The following FOXP1 variants were observed in gnomAD, a reference collection of about 807,000 sequenced individuals.
The protein encoded by FOXP1 is forkhead box protein P1.
A neutral mutation model predicts 98.2 loss-of-function variants in FOXP1; 15 were observed. The ratio of observed to expected loss-of-function variants is 0.15; its 90% confidence interval spans 0.10 to 0.24. FOXP1 has a LOEUF of 0.24. Ranked by LOEUF, FOXP1 falls within the 10% of genes least tolerant of loss-of-function variation. The pLI is 1.00. For missense variants in FOXP1, 633 were observed against 848.5 expected (o/e 0.75, Z 3.15); for synonymous variants, 371 against 314.5 (o/e 1.18, Z -1.90).
At chr3:71,342,697 A>AAG (rs1405975775) in intron 4 of FOXP1, among the ~76,000 whole-genome samples, 1 of 152,022 alleles carries the variant, frequency 6.6e-6, no homozygotes, top group East Asian at 1.9e-4. Flanking sequence ...TAAAAAAAAA[A>AAG]AAGCAAACAG....
At chr3:71,583,416 G>A (rs2048347899) in intron 1 of FOXP1, 155 bp downstream of exon 1, 3 of 950,284 alleles carry the variant, frequency 3.2e-6, no homozygotes, top group Non-Finnish European at 3.8e-6. Flanking sequence ...CCTGGAGGTG[G>A]AAAGTAGTTG....
intron 3 of FOXP1, among the ~76,000 whole-genome samples, chr3:71,374,322 G>T (rs1049352376): frequency 6.6e-6 from 1 of 152,134 alleles, no homozygotes; most frequent in Non-Finnish European, 1.5e-5. Context: ...GGCCATGCGT[G>T]GTGGCTCATG....
intron 13 of FOXP1, among the ~76,000 whole-genome samples, chr3:70,991,198 GT>G (rs1025002624): frequency 6.6e-6 from 1 of 152,028 alleles, no homozygotes; most frequent in African/African-American, 2.4e-5. Flanking sequence ...AATTTTGATC[GT>G]TTAAAGAATG....
At chr3:71,097,368 C>CA (rs1256233785) in intron 7 of FOXP1, among the ~76,000 whole-genome samples, 3 of 151,952 alleles carry the variant, frequency 2.0e-5, no homozygotes, top group South Asian at 2.1e-4. Context: ...TTTTACATGA[C>CA]AAAAAACAGA....
intron 20 of FOXP1, among the ~76,000 whole-genome samples, chr3:70,959,912 C>T (rs986042057): frequency 9.2e-5 from 14 of 152,090 alleles, no homozygotes; most frequent in African/African-American, 2.9e-4. Context: ...TAACAGGTCC[C>T]GTAGTGGCAT....
At chr3:71,079,557 T>C (rs2054191042) in intron 7 of FOXP1, among the ~76,000 whole-genome samples, 1 of 152,260 alleles carries the variant, frequency 6.6e-6, no homozygotes, top group African/African-American at 2.4e-5. Flanking sequence ...AGAGATATTG[T>C]GATCAGTTTT....
intron 5 of FOXP1, among the ~76,000 whole-genome samples, chr3:71,298,744 T>C (rs2073583086): frequency 6.6e-6 from 1 of 151,930 alleles, no homozygotes; most frequent in Non-Finnish European, 1.5e-5. Flanking sequence ...TCCATATCCT[T>C]TATATATATG....
chr3:71,542,109 T>G, intron 2 of FOXP1: 1 of 491,094 alleles, frequency 2.0e-6, no homozygotes, highest in South Asian at 1.6e-5. Flanking sequence ...TAAGCAGAAA[T>G]GCAGCATTAA....
intron 3 of FOXP1, among the ~76,000 whole-genome samples, chr3:71,416,097 T>C (rs2083190952): frequency 1.3e-5 from 2 of 152,194 alleles, no homozygotes; most frequent in African/African-American, 4.8e-5. Context: ...AGAAAGAACC[T>C]GTAAAGTTAC....
Position 71,052,764 on chromosome 3 carries a change from C to T in FOXP1, c.421-138G>A. ...GCCTGACCTTTAGTTTGAAACTCGA[C>T]AATAAATTCAGCGCACACTGACTAT... On this transcript the variant is annotated intron_variant, in intron 8 of 20. Transcript: ENST00000649528. 4 of 701,654 alleles carry T rather than the reference C, an allele frequency of 5.7e-6. No homozygotes were observed. In the South Asian group the frequency reaches 6.0e-5, roughly 11 times the overall value. The allele number at this position is 701,654 out of a possible 1,614,324, so 43.5% of individuals were successfully genotyped here.
chr3:71,392,823 A>T lies in FOXP1; in HGVS notation c.-167-33579T>A, dbSNP rs372711010. On this transcript the variant is annotated intron_variant, in intron 3 of 20. Coordinates refer to ENST00000649528, the MANE Select transcript of FOXP1 (RefSeq NM_001349338.3). ...GGTATTTAAGATTGTAAAGAATAAG[A>T]CTGTAATAACTCTTTCCAAGAAGAA... Among the ~76,000 whole-genome samples, 18 of 152,278 alleles carry T rather than the reference A, an allele frequency of 1.2e-4. No individual in the cohort carries two copies. In the South Asian group the frequency reaches 3.7e-3, roughly 32 times the overall value.
At chr3:71,286,636 T>A (rs983981642) in intron 5 of FOXP1, among the ~76,000 whole-genome samples, 1 of 152,118 alleles carries the variant, frequency 6.6e-6, no homozygotes. Context: ...AAGTTCCTTA[T>A]CTAACAAGCT....
At chr3:70,998,946 C>G (rs1339957886) in intron 13 of FOXP1, among the ~76,000 whole-genome samples, 3 of 152,158 alleles carry the variant, frequency 2.0e-5, no homozygotes, top group African/African-American at 7.2e-5. Flanking sequence ...GAAACGGCTA[C>G]CCGACAAACC....
In FOXP1 at chr3:71,457,558, G is replaced by C. The variant is rs563330725; in HGVS notation, c.-168+35868C>G. On this transcript the variant is annotated intron_variant, in intron 3 of 20. Coordinates refer to ENST00000649528, the MANE Select transcript of FOXP1 (RefSeq NM_001349338.3). ...CAAAGTAGAAGACCAAAAGGACTCA[G>C]GAGTGTGAAACAAGAAAGCATTAAT... is the stretch of plus-strand genomic sequence containing the variant. 3.9e-5 allele frequency among the ~76,000 whole-genome samples: 6 copies of C among 152,276 alleles called. No homozygotes were observed. In the South Asian group the frequency reaches 1.2e-3, roughly 32 times the overall value.
chr3:71,399,742 G>A (rs2081823607), intron 3 of FOXP1, among the ~76,000 whole-genome samples: 1 of 152,096 alleles, frequency 6.6e-6, no homozygotes, highest in Admixed American at 6.5e-5. Context: ...AAAGCAGTGT[G>A]GTCAAACATT....
chr3:71,454,556 T>C (rs149157723), intron 3 of FOXP1, among the ~76,000 whole-genome samples: 14 of 152,234 alleles, frequency 9.2e-5, no homozygotes, highest in Middle Eastern at 3.4e-3. Context: ...CTGAACATTA[T>C]CAAAGATGCA....
At chr3:71,282,468 T>A (rs1432183991) in intron 5 of FOXP1, among the ~76,000 whole-genome samples, 1 of 152,152 alleles carries the variant, frequency 6.6e-6, no homozygotes, top group African/African-American at 2.4e-5. Flanking sequence ...GTGCCAATCA[T>A]AAAAATTACT....
chr3:70,974,963 G>C (rs2037183455), intron 17 of FOXP1, among the ~76,000 whole-genome samples: 1 of 151,996 alleles, frequency 6.6e-6, no homozygotes, highest in African/African-American at 2.4e-5. Context: ...GAAGTCAAGA[G>C]TTTTCAAAAA....
chr3:70,999,663 C>T (rs2041865756), intron 13 of FOXP1, among the ~76,000 whole-genome samples: 1 of 152,054 alleles, frequency 6.6e-6, no homozygotes, highest in Admixed American at 6.5e-5. Context: ...TGTAATTGGT[C>T]ATATAAGATG....
Sources: gnomAD v4.1 joint callset for allele counts (sites outside exome capture counted in the v4.1 genomes callset) on GRCh38, gnomAD v4.1.1 for gene constraint, MANE v1.5 for transcripts, NCBI Gene and HGNC (gene_info 2026-07-23, HGNC 2026-07-21) for gene names.